CGGBP1: variants seen among roughly 807,000 people sequenced by gnomAD.
CGGBP1 encodes CGG triplet repeat-binding protein 1.
CGGBP1 carries 4 observed loss-of-function variants against 11.4 expected under a neutral mutation model. The observed-to-expected ratio is 0.35, with a 90% CI of 0.17 to 0.80. The LOEUF (loss-of-function observed/expected upper bound fraction) is 0.80. Among genes scored for constraint, CGGBP1 ranks in the 30% least tolerant of loss-of-function variants. The pLI is 0.52. For synonymous variants in CGGBP1, 76 were observed against 74.1 expected (o/e 1.03, Z -0.13); for missense variants, 135 against 202.1 (o/e 0.67, Z 2.01).
chr3:88,083,941 T>TTATATATATATATATATATA (rs78670676), intron 2 of CGGBP1, among the ~76,000 whole-genome samples: 2,184 of 147,090 alleles, frequency 0.015, 30 homozygotes, highest in Non-Finnish European at 0.023. Flanking sequence ...TGTACTTATT[T>TTATATATATATATATATATA]TATATATATA....
At chr3:88,056,866 CTTAA>C (rs761167920) in intron 3 of CGGBP1, 6 of 151,992 alleles carry the variant, frequency 3.9e-5, no homozygotes, top group East Asian at 1.9e-4. Flanking sequence ...CTAGAAGCAG[CTTAA>C]TTAATTTCTC....
intron 2 of CGGBP1, among the ~76,000 whole-genome samples, chr3:88,090,251 G>A (rs1258918373): frequency 1.3e-5 from 2 of 152,174 alleles, no homozygotes; most frequent in Non-Finnish European, 2.9e-5. Flanking sequence ...CTTCATGCAT[G>A]TTATTGCCCC....
At chr3:88,067,290 A>G (rs1230142851) in intron 2 of CGGBP1, among the ~76,000 whole-genome samples, 1 of 152,216 alleles carries the variant, frequency 6.6e-6, no homozygotes, top group African/African-American at 2.4e-5. Flanking sequence ...GTTCTGCTCT[A>G]CTGAGATCCT....
chr3:88,081,510 T>G (rs1708075527), intron 2 of CGGBP1, among the ~76,000 whole-genome samples: 1 of 152,210 alleles, frequency 6.6e-6, no homozygotes, highest in Non-Finnish European at 1.5e-5. Flanking sequence ...CTTCTTTCAC[T>G]GTAAGAAACA....
chr3:88,123,596 G>GT (rs1705911864), intron 2 of CGGBP1, among the ~76,000 whole-genome samples: 1 of 152,098 alleles, frequency 6.6e-6, no homozygotes, highest in Non-Finnish European at 1.5e-5. Flanking sequence ...CTAGGAATCT[G>GT]TTTTTTAAAA....
At chr3:88,110,884 C>G (rs913471831) in intron 2 of CGGBP1, among the ~76,000 whole-genome samples, 13 of 152,028 alleles carry the variant, frequency 8.6e-5, no homozygotes, top group African/African-American at 3.1e-4. Flanking sequence ...ATGTGTTTTG[C>G]CTTTATTTGC....
At position 88,126,409 on chromosome 3, in the gene CGGBP1, GT is replaced by G. The variant is rs1371221128; in HGVS notation, c.-229+14560del. 3 of 1,023,172 alleles carry G rather than the reference GT, an allele frequency of 2.9e-6. No homozygotes were observed. The African/African-American group carries it at 4.9e-5, about 17-fold the overall frequency. 63.4% of individuals were successfully genotyped at this position (1,023,172 alleles called of 1,614,324 possible). Reference sequence around the variant, plus strand: ...AGTGATGTATTTTCACATGAAAAGTGTTTGTTTTTCTAAACTGGCCCAAAGT... The same window carrying G: ...AGTGATGTATTTTCACATGAAAAGTGTTGTTTTTCTAAACTGGCCCAAAGT... On this transcript the variant is annotated intron_variant, in intron 2 of 3. Coordinates refer to the CGGBP1 transcript ENST00000462901.
intron 2 of CGGBP1, chr3:88,135,071 T>G (rs1258548675): frequency 7.0e-7 from 1 of 1,425,540 alleles, no homozygotes; most frequent in Admixed American, 3.2e-5. Context: ...GGAGTTGATT[T>G]TCATATGGAG....
chr3:88,087,618 A>C (rs1708404790), intron 2 of CGGBP1, among the ~76,000 whole-genome samples: 1 of 152,242 alleles, frequency 6.6e-6, no homozygotes, highest in South Asian at 2.1e-4. Flanking sequence ...AGCAAGTCAC[A>C]GCTTCATCTG....
At chr3:88,117,378 A>G (rs1705474915) in intron 2 of CGGBP1, among the ~76,000 whole-genome samples, 1 of 152,186 alleles carries the variant, frequency 6.6e-6, no homozygotes, top group Non-Finnish European at 1.5e-5. Context: ...TATAGTAACA[A>G]ATGCCAGCAT....
chr3:88,130,274 A>C (rs1706368174), intron 2 of CGGBP1, among the ~76,000 whole-genome samples: 1 of 152,112 alleles, frequency 6.6e-6, no homozygotes, highest in East Asian at 1.9e-4. Flanking sequence ...TACACACACA[A>C]AACTCTTACC....
intron 2 of CGGBP1, among the ~76,000 whole-genome samples, chr3:88,098,882 C>G (rs1389632475): frequency 6.6e-6 from 1 of 152,150 alleles, no homozygotes; most frequent in Non-Finnish European, 1.5e-5. Flanking sequence ...CAGTATCATA[C>G]TGAATGGGCA....
At chr3:88,059,291 G>C (rs1203016087), upstream of CGGBP1, 1 of 1,532,024 alleles carries the variant, frequency 6.5e-7, no homozygotes, top group Non-Finnish European at 8.7e-7. Flanking sequence ...CGGCGCAGGG[G>C]CTGGTACGCG....
chr3:88,138,650 T>A (rs1706948551), intron 2 of CGGBP1: 4 of 1,082,300 alleles, frequency 3.7e-6, no homozygotes, highest in Non-Finnish European at 4.7e-6. Flanking sequence ...GATAGACTAG[T>A]ATAACCATTT....
chr3:88,132,600 T>G (rs1442101007), intron 2 of CGGBP1, among the ~76,000 whole-genome samples: 1 of 152,214 alleles, frequency 6.6e-6, no homozygotes, highest in Non-Finnish European at 1.5e-5. Context: ...TCCTAAGATT[T>G]CTGCTTTGCC....
At position 88,086,851 on chromosome 3, in the gene CGGBP1, C is replaced by T. The variant is rs1285977292; in HGVS notation, c.-228-28628G>A. ...AGGCTGGAGTGCAGTGGTGCCATCT[C>T]GGCTCACTGCAAGCTCCCCCTCCCG... On this transcript the variant is annotated intron_variant, in intron 2 of 3. Transcript: ENST00000462901. Among the ~76,000 whole-genome samples, 6 of 150,648 alleles carry T rather than the reference C, an allele frequency of 4.0e-5. No homozygotes were observed. In the South Asian group the frequency reaches 8.4e-4, roughly 21 times the overall value.
intron 2 of CGGBP1, among the ~76,000 whole-genome samples, chr3:88,077,667 A>G (rs1414088558): frequency 7.2e-6 from 1 of 139,544 alleles, no homozygotes; most frequent in Non-Finnish European, 1.6e-5. Context: ...CACATAGGAA[A>G]GATAAATGAA....
intron 1 of CGGBP1, among the ~76,000 whole-genome samples, chr3:88,146,831 C>G (rs1707321741): frequency 6.6e-6 from 1 of 152,144 alleles, no homozygotes; most frequent in African/African-American, 2.4e-5. Flanking sequence ...TGATTACTCC[C>G]CCAGCATTCC....
chr3:88,083,792 C>T (rs985524022), intron 2 of CGGBP1, among the ~76,000 whole-genome samples: 3 of 152,052 alleles, frequency 2.0e-5, no homozygotes, highest in East Asian at 3.8e-4. Flanking sequence ...TGGCAACCTA[C>T]TAGAATACCA....
Sources: allele counts gnomAD v4.1 joint callset (sites outside exome capture counted in the v4.1 genomes callset), GRCh38; gene constraint gnomAD v4.1.1; transcripts MANE v1.5; gene names NCBI Gene and HGNC (gene_info 2026-07-23, HGNC 2026-07-21).